GLRA1: variants seen among roughly 807,000 people sequenced by gnomAD.
GLRA1 encodes the protein glycine receptor subunit alpha-1.
GLRA1 carries 37 observed loss-of-function variants against 48.3 expected under a neutral mutation model. That is an observed-to-expected ratio of 0.77 (90% confidence interval 0.59 to 1.01). GLRA1 has a LOEUF of 1.01. GLRA1 is among the 50% of genes least tolerant of loss of function. GLRA1 has a pLI of 0.00. For missense variants in GLRA1, 427 were observed against 571.0 expected (o/e 0.75, Z 2.57); for synonymous variants, 196 against 210.7 (o/e 0.93, Z 0.60).
intron 1 of GLRA1, among the ~76,000 whole-genome samples, chr5:151,906,641 T>C (rs898877839): frequency 6.6e-6 from 1 of 152,222 alleles, no homozygotes; most frequent in Non-Finnish European, 1.5e-5. Flanking sequence ...TTTTTGAGTA[T>C]TTTTATTTTC....
intron 2 of GLRA1, 39 bp downstream of exon 2, chr5:151,892,272 A>G: frequency 1.2e-6 from 2 of 1,603,600 alleles, no homozygotes; most frequent in Non-Finnish European, 1.7e-6. Context: ...AATCTGGGAA[A>G]GCATTTCCCT....
At chr5:151,895,885 G>A (rs182497256) in intron 1 of GLRA1, among the ~76,000 whole-genome samples, 213 of 152,222 alleles carry the variant, frequency 1.4e-3, no homozygotes, top group African/African-American at 4.9e-3. Context: ...TGCTGTTATA[G>A]TTCACTTCTA....
At chr5:151,828,421 T>G (rs1417126618) in intron 8 of GLRA1, among the ~76,000 whole-genome samples, 2 of 152,134 alleles carry the variant, frequency 1.3e-5, no homozygotes, top group Non-Finnish European at 2.9e-5. Flanking sequence ...ATTCAATCCC[T>G]CATATGGAGA....
At chr5:151,825,398 C>T (rs555614379) in intron 8 of GLRA1, among the ~76,000 whole-genome samples, 1 of 152,142 alleles carries the variant, frequency 6.6e-6, no homozygotes, top group Non-Finnish European at 1.5e-5. Context: ...TATTCTTTGC[C>T]TTTCTCATCT....
chr5:151,868,740 G>A (rs1439609275), intron 3 of GLRA1, among the ~76,000 whole-genome samples: 1 of 152,174 alleles, frequency 6.6e-6, no homozygotes, highest in Non-Finnish European at 1.5e-5. Flanking sequence ...TTCTGCCCTA[G>A]ATTTAGCAGT....
chr5:151,875,236 T>C (rs1753594020), intron 3 of GLRA1, among the ~76,000 whole-genome samples: 1 of 152,074 alleles, frequency 6.6e-6, no homozygotes, highest in African/African-American at 2.4e-5. Context: ...AGTGGCACAA[T>C]AATAGCTCAC....
At chr5:151,828,558 C>A (rs1460896774) in intron 8 of GLRA1, among the ~76,000 whole-genome samples, 1 of 152,142 alleles carries the variant, frequency 6.6e-6, no homozygotes, top group Admixed American at 6.5e-5. Flanking sequence ...TGGAATCAAG[C>A]CTATTAAAAC....
chr5:151,856,949 A>G (rs990650067), intron 4 of GLRA1, among the ~76,000 whole-genome samples: 1 of 152,282 alleles, frequency 6.6e-6, no homozygotes, highest in Non-Finnish European at 1.5e-5. Flanking sequence ...GGCAGGAAGC[A>G]TGGTGGGAAG....
intron 1 of GLRA1, among the ~76,000 whole-genome samples, chr5:151,907,155 T>G (rs1202273478): frequency 6.6e-6 from 1 of 151,302 alleles, no homozygotes; most frequent in Non-Finnish European, 1.5e-5. Flanking sequence ...TCTTCATCTA[T>G]AAACTAAGAA....
intron 7 of GLRA1, among the ~76,000 whole-genome samples, chr5:151,835,979 G>T (rs1763568991): frequency 6.6e-6 from 1 of 152,162 alleles, no homozygotes. Context: ...GCAAGAGAAA[G>T]AAATAAAAGG....
chr5:151,822,675 A>C lies in GLRA1; in HGVS notation c.1348T>G (p.Ter450GlyextTer3). ...CCTCCCCCAACCTTTCAGACCCTTC[A>C]CTGGTTGTGGACGTCCTCTCTACGG... ...IVRREDVHNQ[*>G] is the part of the protein sequence containing the mutation. Residue 450 changes from the stop codon to glycine (G), a stop_lost, in exon 9 of 9, where the codon TGA becomes GGA. Transcript: ENST00000274576. 2 of 1,608,872 alleles carry C rather than the reference A, an allele frequency of 1.2e-6. No homozygotes were observed. Among genetic ancestry groups the C allele is most frequent in the Non-Finnish European group, 1.7e-6 (2 of 1,175,630 alleles).
intron 3 of GLRA1, among the ~76,000 whole-genome samples, chr5:151,872,711 A>C (rs956230826): frequency 1.3e-5 from 2 of 150,068 alleles, no homozygotes; most frequent in African/African-American, 2.5e-5. Flanking sequence ...CCAGGAGGCT[A>C]TAAAGCCTGG....
At chr5:151,881,770 C>T (rs968317533) in intron 3 of GLRA1, among the ~76,000 whole-genome samples, 1 of 152,146 alleles carries the variant, frequency 6.6e-6, no homozygotes, top group Admixed American at 6.5e-5. Context: ...ACCCCTGTTG[C>T]TTTGCTGGCT....
At position 151,850,265 on chromosome 5, in the gene GLRA1, C is replaced by A. The variant is rs573746521; in HGVS notation, c.912+1125G>T. On this transcript the variant is annotated intron_variant, in intron 7 of 8. Transcript: ENST00000274576. Reference sequence around the variant, plus strand: ...AGATGGTGGGTACTAATGCTGAGGTCATGCCTGCCCAGTGGGAATTTCAAA... The same window carrying A: ...AGATGGTGGGTACTAATGCTGAGGTAATGCCTGCCCAGTGGGAATTTCAAA... The A allele has an allele frequency of 2.3e-4, 367 of 1,604,750 alleles. 5 individuals carry two copies. In the South Asian group the frequency reaches 3.8e-3, roughly 17 times the overall value.
chr5:151,855,202 C>G (rs763286025), intron 5 of GLRA1, 25 bp from the exon 6 acceptor site: 3 of 1,612,294 alleles, frequency 1.9e-6, no homozygotes, highest in East Asian at 4.5e-5. Context: ...GAAGAAGGAG[C>G]AGTCACCACT....
At chr5:151,896,423 A>G (rs1261173549) in intron 1 of GLRA1, among the ~76,000 whole-genome samples, 1 of 152,250 alleles carries the variant, frequency 6.6e-6, no homozygotes, top group Non-Finnish European at 1.5e-5. Context: ...TAAAATCATG[A>G]TAGTTATGCT....
At chr5:151,838,947 A>C (rs1046887277) in intron 7 of GLRA1, among the ~76,000 whole-genome samples, 3 of 152,112 alleles carry the variant, frequency 2.0e-5, no homozygotes, top group African/African-American at 7.2e-5. Context: ...GATCTCTGCT[A>C]CTGCAACCTC....
chr5:151,891,877 C>T (rs915009440), intron 2 of GLRA1, among the ~76,000 whole-genome samples: 5 of 151,970 alleles, frequency 3.3e-5, no homozygotes, highest in Non-Finnish European at 7.4e-5. Context: ...CTGAAAGCTC[C>T]GTGAAGCGTA....
At chr5:151,843,713 A>G (rs1454016838) in intron 7 of GLRA1, among the ~76,000 whole-genome samples, 3 of 152,062 alleles carry the variant, frequency 2.0e-5, no homozygotes, top group African/African-American at 7.2e-5. Context: ...TGGTACTGAC[A>G]AAAGGATCAA....
Sources: gnomAD v4.1 joint callset for allele counts (sites outside exome capture counted in the v4.1 genomes callset) on GRCh38, gnomAD v4.1.1 for gene constraint, MANE v1.5 for transcripts, NCBI Gene and HGNC (gene_info 2026-07-23, HGNC 2026-07-21) for gene names.